Variants in PRG4 observed in about 807,000 individuals in gnomAD.
The protein encoded by PRG4 is articular superficial zone protein.
A neutral mutation model predicts 91.2 loss-of-function variants in PRG4; 61 were observed. That is an observed-to-expected ratio of 0.67 (90% confidence interval 0.54 to 0.83). PRG4 has a LOEUF of 0.83. Among genes scored for constraint, PRG4 ranks in the 40% least tolerant of loss-of-function variants. The probability of loss-of-function intolerance (pLI) is 0.00; values close to 1 mark genes in which losing one functional copy is unlikely to be tolerated. For missense variants in PRG4, 1,564 were observed against 1,714.2 expected, an observed-to-expected ratio of 0.91 and a Z score of 1.55; for synonymous variants, 576 against 614.2, an observed-to-expected ratio of 0.94 and a Z score of 0.92.
Position 186,308,867 on chromosome 1 carries a change from C to T in PRG4, c.3148C>T (p.Pro1050Ser). ...MPRVRKPKTT[P>S]TPRKMTSTMP... Reference sequence around the variant, plus strand: ...TAGAGTGAGAAAACCAAAGACGACACCAACTCCCCGCAAGATGACATCAAC... The same window carrying T: ...TAGAGTGAGAAAACCAAAGACGACATCAACTCCCCGCAAGATGACATCAAC... The change falls in exon 7 of 13, where the codon CCA (proline) becomes TCA (serine). Residue 1050 changes from proline (P) to serine (S), a missense_variant. Around this residue, in one of 3 missense-constraint regions of PRG4, gnomAD observed 1,079 missense variants for 1,162.2 expected, o/e 0.93. Coordinates refer to ENST00000445192, the MANE Select transcript of PRG4 (RefSeq NM_005807.6). The T allele has an allele frequency of 6.2e-7, 1 of 1,613,838 alleles. No homozygotes were observed. Among genetic ancestry groups the T allele is most frequent in the Non-Finnish European group, 8.5e-7 (1 of 1,179,960 alleles).
intron 12 of PRG4, 191 bp from the exon 13 acceptor site, chr1:186,313,490 T>G (rs77159860): frequency 0.016 from 8,640 of 539,644 alleles, 593 homozygotes; most frequent in African/African-American, 0.15. Flanking sequence ...TGTCAATCTT[T>G]TGAAACATCA....
Position 186,307,321 on chromosome 1 carries a change from C to T in PRG4, c.1602C>T (p.Thr534=). 1.9e-6 allele frequency: 3 copies of T among 1,600,890 alleles called. No homozygotes were observed. Among genetic ancestry groups the T allele is most frequent in the South Asian group, 1.1e-5 (1 of 90,404 alleles). The stretch of plus-strand genomic sequence containing the variant: ...CCACCAAGTCTGCACCCACCACTAC[C>T]AAGGAGCCTGCACCCACCACTACCA... The part of the protein sequence containing the change: ...PTTTKSAPTT[T]KEPAPTTTKS... The change falls in exon 7 of 13, where the codon ACC becomes ACT. Residue 534 remains threonine, a synonymous_variant. Coordinates refer to ENST00000445192, the MANE Select transcript of PRG4 (RefSeq NM_005807.6).
At position 186,308,841 on chromosome 1, in the gene PRG4, C is replaced by T. The variant is rs1468783232; in HGVS notation, c.3122C>T (p.Pro1041Leu). Residue 1041 changes from proline to leucine, a missense_variant, in exon 7 of 13, where the codon CCT becomes CTT. Around this residue, in one of 3 missense-constraint regions of PRG4, gnomAD observed 1,079 missense variants for 1,162.2 expected, o/e 0.93. Transcript: ENST00000445192. ...TCTACCAAAAAGCCAAAAACAATGCCTAGAGTGAGAAAACCAAAGACGACA... is the reference window on the plus strand; with the variant it reads ...TCTACCAAAAAGCCAAAAACAATGCTTAGAGTGAGAAAACCAAAGACGACA... ...PTSTKKPKTM[P>L]RVRKPKTTPT... 9 of 1,613,794 alleles carry T rather than the reference C, an allele frequency of 5.6e-6. No individual in the cohort carries two copies. Among genetic ancestry groups the T allele is most frequent in the Non-Finnish European group, 7.6e-6 (9 of 1,179,950 alleles).
intron 10 of PRG4, 38 bp downstream of exon 10, chr1:186,311,634 A>T: frequency 6.3e-7 from 1 of 1,576,538 alleles, no homozygotes; most frequent in Non-Finnish European, 8.7e-7. Flanking sequence ...CAAAACTTTT[A>T]AAGAATTACA....
At chr1:186,312,637 T>C (rs1226502972) in intron 11 of PRG4, 132 bp from the exon 12 acceptor site, 25 of 971,926 alleles carry the variant, frequency 2.6e-5, no homozygotes, top group Non-Finnish European at 3.7e-5. Flanking sequence ...GAACATTATA[T>C]ACCAGTCTAT....
Position 186,307,711 on chromosome 1 carries a change from T to TGCTCCCACCACTCCCAAGGCAGCG in PRG4, c.2000_2023dup (p.Thr667_Pro674dup). 6.5e-7 allele frequency: 1 copy of TGCTCCCACCACTCCCAAGGCAGCG among 1,534,882 alleles called. No individual in the cohort carries two copies. The highest frequency in any genetic ancestry group is 8.7e-7 in the Non-Finnish European group (1 of 1,145,960). ...CCACACCCACCACCCCTGAGGAGCCTGCTCCCACCACTCCCAAGGCAGCGG... is the reference window on the plus strand; with the variant it reads ...CCACACCCACCACCCCTGAGGAGCCTGCTCCCACCACTCCCAAGGCAGCGGCTCCCACCACTCCCAAGGCAGCGG... On this transcript the variant is annotated inframe_insertion, in exon 7 of 13. Transcript: ENST00000445192.
At position 186,307,706 on chromosome 1, in the gene PRG4, G is replaced by GAGCCTGCTCCCACCACTCCCAAGGC; in HGVS notation, c.1991_2015dup (p.Ala673CysfsTer14). 6.2e-7 allele frequency: 1 copy of GAGCCTGCTCCCACCACTCCCAAGGC among 1,605,374 alleles called. No homozygotes were observed. The highest frequency in any genetic ancestry group is 8.5e-7 in the Non-Finnish European group (1 of 1,177,604). Reference sequence around the variant, plus strand: ...GGAGCCCACACCCACCACCCCTGAGGAGCCTGCTCCCACCACTCCCAAGGC... The same window carrying GAGCCTGCTCCCACCACTCCCAAGGC: ...GGAGCCCACACCCACCACCCCTGAGGAGCCTGCTCCCACCACTCCCAAGGCAGCCTGCTCCCACCACTCCCAAGGC... On this transcript the variant is annotated frameshift_variant, in exon 7 of 13. Transcript: ENST00000445192. LOFTEE classifies it high-confidence loss of function.
rs1488562622 is a variant in PRG4 at position 186,307,660 on chromosome 1, G to A, written c.1941G>A (p.Glu647=). The part of the protein sequence containing the change: ...PEKPAPTTPE[E]LAPTTPEEPT... Reference sequence around the variant, plus strand: ...AGCCCGCACCCACCACCCCTGAGGAGCTCGCACCCACCACCCCTGAGGAGC... The same window carrying A: ...AGCCCGCACCCACCACCCCTGAGGAACTCGCACCCACCACCCCTGAGGAGC... Residue 647 remains glutamate (E), a synonymous_variant, in exon 7 of 13, where the codon GAG becomes GAA. Coordinates refer to ENST00000445192, the MANE Select transcript of PRG4 (RefSeq NM_005807.6). 3.1e-6 allele frequency: 5 copies of A among 1,593,706 alleles called. No homozygotes were observed. Among genetic ancestry groups the A allele is most frequent in the Middle Eastern group, 2.1e-4 (1 of 4,852 alleles).
At chr1:186,304,993 C>A (rs765875700) in intron 6 of PRG4, 71 bp downstream of exon 6, 4 of 1,499,378 alleles carry the variant, frequency 2.7e-6, no homozygotes, top group African/African-American at 1.4e-5. Context: ...AAAAGTAATG[C>A]GTGTTGGCAG....
At position 186,312,796 on chromosome 1, in the gene PRG4, G is replaced by C. The variant is rs752573420; in HGVS notation, c.4019G>C (p.Ser1340Thr). 1.2e-6 allele frequency: 2 copies of C among 1,612,700 alleles called. No homozygotes were observed. Among genetic ancestry groups the C allele is most frequent in the East Asian group, 4.5e-5 (2 of 44,838 alleles). ...KGVLHNEVKV[S>T]ILWRGLPNVV... ...GTCCTTCATAATGAAGTTAAAGTGA[G>C]TATACTGTGGAGAGGACTTCCAAAT... is the stretch of plus-strand genomic sequence containing the variant. Residue 1340 changes from serine to threonine, a missense_variant, in exon 12 of 13, where the codon AGT becomes ACT. Physicochemically the swap from Ser to Thr is moderately conservative, Grantham distance 58. Transcript: ENST00000445192.
chr1:186,300,054 G>A (rs974637323), intron 2 of PRG4, 37 bp from the exon 3 acceptor site: 44 of 1,611,596 alleles, frequency 2.7e-5, no homozygotes, highest in Non-Finnish European at 3.7e-5. Context: ...CTATAAAGTG[G>A]TTTGGCCATA....
chr1:186,302,471 T>C (rs1656288932), intron 4 of PRG4, among the ~76,000 whole-genome samples: 1 of 152,268 alleles, frequency 6.6e-6, no homozygotes, highest in Non-Finnish European at 1.5e-5. Flanking sequence ...TCTACTTTGT[T>C]AAAACAAGAA....
In PRG4 at chr1:186,307,693, C is replaced by T. The variant is rs1482730928; in HGVS notation, c.1974C>T (p.Pro658=). Residue 658 remains proline (P), a synonymous_variant, in exon 7 of 13, where the codon CCC becomes CCT. Coordinates refer to ENST00000445192, the MANE Select transcript of PRG4 (RefSeq NM_005807.6). ...CCACCACCCCTGAGGAGCCCACACCCACCACCCCTGAGGAGCCTGCTCCCA... is the reference window on the plus strand; with the variant it reads ...CCACCACCCCTGAGGAGCCCACACCTACCACCCCTGAGGAGCCTGCTCCCA... ...LAPTTPEEPT[P]TTPEEPAPTT... The T allele has an allele frequency of 1.2e-6, 2 of 1,608,636 alleles. No homozygotes were observed. The highest frequency in any genetic ancestry group is 1.4e-5 in the African/African-American group (1 of 73,896).
intron 2 of PRG4, among the ~76,000 whole-genome samples, chr1:186,299,349 A>G (rs772601021): frequency 1.5e-4 from 23 of 152,186 alleles, no homozygotes; most frequent in Admixed American, 1.3e-3. Flanking sequence ...CCACCAATTA[A>G]GGAAGAAAAA....
intron 4 of PRG4, among the ~76,000 whole-genome samples, chr1:186,302,317 C>T (rs917738573): frequency 6.6e-6 from 1 of 152,164 alleles, no homozygotes; most frequent in African/African-American, 2.4e-5. Context: ...GGGATATTCC[C>T]ATCTTAAAAT....
intron 4 of PRG4, 118 bp downstream of exon 4, chr1:186,301,829 T>G: frequency 7.4e-7 from 1 of 1,358,718 alleles, no homozygotes; most frequent in East Asian, 2.3e-5. Context: ...TACTAACATA[T>G]AAGCTATTTC....
Position 186,312,385 on chromosome 1 carries a change from T to C in PRG4, c.3991+13T>C. ...TATCAAGACAAAGGTAACATTTTTA[T>C]TGTGTTAAAAAAATCCTTAAACATA... On this transcript the variant is annotated intron_variant, in intron 11 of 12. Coordinates refer to ENST00000445192, the MANE Select transcript of PRG4 (RefSeq NM_005807.6). 6.3e-7 allele frequency: 1 copy of C among 1,597,910 alleles called. No individual in the cohort carries two copies. The highest frequency in any genetic ancestry group is 2.2e-5 in the East Asian group (1 of 44,756).
In PRG4 at chr1:186,311,604, T is replaced by A. The variant is rs751187594; in HGVS notation, c.3793+8T>A. 5 of 1,612,552 alleles carry A rather than the reference T, an allele frequency of 3.1e-6. No homozygotes were observed. In the Admixed American group the frequency reaches 8.3e-5, roughly 27 times the overall value. On this transcript the variant is annotated splice_region_variant and intron_variant, in intron 10 of 12. Coordinates refer to ENST00000445192, the MANE Select transcript of PRG4 (RefSeq NM_005807.6). ...TGTATTTTTTCAAGAGAGGTATGTG[T>A]TACATAATTGACAAGATTACAAAAC...
Position 186,300,223 on chromosome 1 carries a change from G to A in PRG4, c.199+10G>A. ...AGAGTCTGCACTGCGGGTAAGTCCTGAGAGCGGGTGTCTCCTCTGTCAAGC... is the reference window on the plus strand; with the variant it reads ...AGAGTCTGCACTGCGGGTAAGTCCTAAGAGCGGGTGTCTCCTCTGTCAAGC... On this transcript the variant is annotated intron_variant, in intron 3 of 12. Coordinates refer to ENST00000445192, the MANE Select transcript of PRG4 (RefSeq NM_005807.6). The A allele has an allele frequency of 6.2e-7, 1 of 1,613,798 alleles. No homozygotes were observed. The highest frequency in any genetic ancestry group is 8.5e-7 in the Non-Finnish European group (1 of 1,180,010).
Sources: gnomAD v4.1 joint callset for allele counts (sites outside exome capture counted in the v4.1 genomes callset) on GRCh38, gnomAD v4.1.1 for gene constraint, gnomAD v4.1.1 regional missense constraint, MANE v1.5 for transcripts, NCBI Gene and HGNC (gene_info 2026-07-23, HGNC 2026-07-21) for gene names.